DPEP1: variants seen among roughly 807,000 people sequenced by gnomAD.
The protein encoded by DPEP1 is beta-lactamase.
DPEP1 carries 50 observed loss-of-function variants against 42.3 expected under a neutral mutation model. The observed-to-expected ratio is 1.18, with a 90% CI of 0.94 to 1.50. The LOEUF (loss-of-function observed/expected upper bound fraction) is 1.50. Among genes scored for constraint, DPEP1 ranks in the 40% most tolerant of loss-of-function variants. The pLI is 0.00. For missense variants in DPEP1, 663 were observed against 553.0 expected (o/e 1.20, Z -1.99); for synonymous variants, 297 against 234.0 (o/e 1.27, Z -2.46).
intron 1 of DPEP1, among the ~76,000 whole-genome samples, chr16:89,618,337 C>T (rs1193893268): frequency 1.3e-5 from 2 of 152,166 alleles, no homozygotes; most frequent in South Asian, 2.1e-4. Context: ...CTGCCTCGGT[C>T]TGCTATGTAG....
intron 10 of DPEP1, 27 bp downstream of exon 10, chr16:89,637,998 T>TC (rs928640628): frequency 1.2e-6 from 2 of 1,607,260 alleles, no homozygotes; most frequent in Non-Finnish European, 1.7e-6. Context: ...CACCTGAGTC[T>TC]CCCCCACCAC....
rs541919644 is a variant in DPEP1, at chr16:89,630,359, C to T, written c.-52C>T. On this transcript the variant is annotated 5_prime_UTR_variant, in exon 2 of 11. Coordinates refer to ENST00000690203, the MANE Select transcript of DPEP1 (RefSeq NM_001389466.1). ...ATCCTTCTGCACGGGCCAGCCAGGC[C>T]AGCACAGAGGCACCAGGGCAGCAGT... The T allele has an allele frequency of 1.8e-4, 278 of 1,504,544 alleles. No homozygotes were observed. Among genetic ancestry groups the T allele is most frequent in the South Asian group, 3.1e-4 (27 of 86,748 alleles). 93.2% of individuals were successfully genotyped at this position (1,504,544 alleles called of 1,614,324 possible).
At chr16:89,636,743 C>A in intron 5 of DPEP1, 60 bp downstream of exon 5, 2 of 1,603,544 alleles carry the variant, frequency 1.2e-6, no homozygotes, top group Non-Finnish European at 1.7e-6. Flanking sequence ...GGCAGACACT[C>A]CCTGCCACCC....
intron 1 of DPEP1, among the ~76,000 whole-genome samples, chr16:89,626,689 C>G (rs114412274): frequency 1.3e-5 from 2 of 151,910 alleles, no homozygotes; most frequent in Non-Finnish European, 2.9e-5. Context: ...GGCAGTCCCC[C>G]CCTCAAACTC....
At chr16:89,621,324 T>C (rs1385589143) in intron 1 of DPEP1, among the ~76,000 whole-genome samples, 1 of 133,676 alleles carries the variant, frequency 7.5e-6, no homozygotes, top group East Asian at 2.2e-4. Context: ...TGAGGAGGGA[T>C]GTGGGGAAGC....
Position 89,637,652 on chromosome 16 carries a change from G to C in DPEP1, c.874G>C (p.Glu292Gln), listed in dbSNP as rs1185648308. The stretch of plus-strand genomic sequence containing the variant: ...GACAGACCATCTGGATCACATCAAG[G>C]AGGTGGCAGGAGCCAGAGCCGTGGG... ...QVADHLDHIK[E>Q]VAGARAVGFG... The change falls in exon 9 of 11, where the codon GAG becomes CAG. Residue 292 changes from glutamate (E) to glutamine (Q), a missense_variant. Transcript: ENST00000690203. 1 of 1,612,920 alleles carries C rather than the reference G, an allele frequency of 6.2e-7. No individual in the cohort carries two copies. The highest frequency in any genetic ancestry group is 8.5e-7 in the Non-Finnish European group (1 of 1,180,006).
intron 1 of DPEP1, among the ~76,000 whole-genome samples, chr16:89,614,462 C>T (rs1288322238): frequency 6.6e-6 from 1 of 152,208 alleles, no homozygotes; most frequent in Non-Finnish European, 1.5e-5. Context: ...TGTCCGGCCC[C>T]ACAATTTCCT....
intron 2 of DPEP1, among the ~76,000 whole-genome samples, chr16:89,634,683 T>A (rs2059641248): frequency 8.7e-6 from 1 of 115,036 alleles, no homozygotes; most frequent in African/African-American, 3.6e-5. Flanking sequence ...TCCCCTTCCT[T>A]CTCCTTTCCC....
At chr16:89,634,124 T>G (rs2059628415) in intron 2 of DPEP1, among the ~76,000 whole-genome samples, 1 of 148,408 alleles carries the variant, frequency 6.7e-6, no homozygotes, top group African/African-American at 2.5e-5. Flanking sequence ...AGTCTCGCTC[T>G]GTCGCCCAGG....
At chr16:89,637,150 T>C in intron 6 of DPEP1, 54 bp from the exon 7 acceptor site, 1 of 1,578,614 alleles carries the variant, frequency 6.3e-7, no homozygotes. Flanking sequence ...CCCGTCCACC[T>C]CCGCAGCCCC....
chr16:89,627,038 G>C (rs1036123910), intron 1 of DPEP1, among the ~76,000 whole-genome samples: 6 of 147,352 alleles, frequency 4.1e-5, no homozygotes, highest in African/African-American at 1.3e-4. Flanking sequence ...GAGGCGGGCG[G>C]ATCACGAGGT....
intron 1 of DPEP1, among the ~76,000 whole-genome samples, chr16:89,615,770 C>T (rs2059374581): frequency 6.6e-6 from 1 of 152,196 alleles, no homozygotes; most frequent in African/African-American, 2.4e-5. Context: ...GGAGCTGCAG[C>T]AGCCAGGCAG....
At chr16:89,618,405 T>TG (rs1231461629) in intron 1 of DPEP1, among the ~76,000 whole-genome samples, 1 of 152,112 alleles carries the variant, frequency 6.6e-6, no homozygotes, top group Non-Finnish European at 1.5e-5. Flanking sequence ...TTTGTAGAGA[T>TG]GGGGGTCTCC....
downstream of DPEP1, among the ~76,000 whole-genome samples, chr16:89,640,365 C>T (rs2059734064): frequency 1.3e-5 from 2 of 152,156 alleles, no homozygotes; most frequent in Non-Finnish European, 2.9e-5. Flanking sequence ...GTGGAGGTGG[C>T]CACAGCATCG....
intron 1 of DPEP1, among the ~76,000 whole-genome samples, chr16:89,614,749 C>T (rs572068022): frequency 2.0e-5 from 3 of 152,266 alleles, no homozygotes; most frequent in Admixed American, 6.5e-5. Flanking sequence ...GAGCTGAGAT[C>T]GTGCCACTGC....
At chr16:89,635,879 C>G (rs1451324949) in intron 2 of DPEP1, 29 bp from the exon 3 acceptor site, 2 of 1,568,730 alleles carry the variant, frequency 1.3e-6, no homozygotes, top group Non-Finnish European at 1.7e-6. Flanking sequence ...GCCGCCCTGA[C>G]TGCCTGGCCT....
Position 89,635,982 on chromosome 16 carries a change from C to T in DPEP1, c.179C>T (p.Thr60Ile). 2 of 1,612,370 alleles carry T rather than the reference C, an allele frequency of 1.2e-6. No homozygotes were observed. The highest frequency in any genetic ancestry group is 1.7e-6 in the Non-Finnish European group (2 of 1,179,772). ...CAGGACGAGAGGGCCAACCTGACCA[C>T]CTTGGCCGGCACACACACCAACATC... Reference protein sequence around the residue: ...RLQDERANLTTLAGTHTNIPK... With the variant: ...RLQDERANLTILAGTHTNIPK... Residue 60 changes from threonine to isoleucine, a missense_variant, in exon 3 of 11, where the codon ACC (threonine) becomes ATC (isoleucine). Coordinates refer to ENST00000690203, the MANE Select transcript of DPEP1 (RefSeq NM_001389466.1).
At chr16:89,613,498 C>T (rs1198482436), upstream of DPEP1, 1 of 152,472 alleles carries the variant, frequency 6.6e-6, no homozygotes, top group Non-Finnish European at 1.5e-5. Flanking sequence ...CGACCCCTGG[C>T]CCTTTCTCTC....
downstream of DPEP1, among the ~76,000 whole-genome samples, chr16:89,639,985 T>C (rs974523063): frequency 3.5e-4 from 53 of 152,258 alleles, no homozygotes; most frequent in African/African-American, 1.2e-3. Flanking sequence ...CAGCCTCTTT[T>C]GGTAAATGGG....
Sources: gnomAD v4.1 joint callset for allele counts (sites outside exome capture counted in the v4.1 genomes callset) on GRCh38, gnomAD v4.1.1 for gene constraint, MANE v1.5 for transcripts, NCBI Gene and HGNC (gene_info 2026-07-23, HGNC 2026-07-21) for gene names.